RNPEPL1: variants seen among roughly 807,000 people sequenced by gnomAD.
RNPEPL1 encodes the protein aminopeptidase RNPEPL1.
A neutral mutation model predicts 69.0 loss-of-function variants in RNPEPL1; 46 were observed. The ratio of observed to expected loss-of-function variants is 0.67; its 90% CI spans 0.53 to 0.85. RNPEPL1 has a LOEUF of 0.85. RNPEPL1 is among the 40% of genes least tolerant of loss of function. The pLI, the probability that RNPEPL1 is intolerant of heterozygous loss-of-function variation, is 0.00. For synonymous variants in RNPEPL1, 525 were observed against 454.1 expected (o/e 1.16, Z -1.98); for missense variants, 869 against 992.5 (o/e 0.88, Z 1.67).
In RNPEPL1 at chr2:240,573,188, A is replaced by G. The variant is rs1025334641; in HGVS notation, c.748A>G (p.Met250Val). The change falls in exon 3 of 11, where the codon ATG (methionine) becomes GTG (valine). Residue 250 changes from methionine to valine, a missense_variant. Met to Val is a conservative substitution (Grantham distance 21, BLOSUM62 1). Around this residue, in one of 2 missense-constraint regions of RNPEPL1, gnomAD observed 610 missense variants for 790.9 expected, o/e 0.77. Coordinates refer to ENST00000270357, the MANE Select transcript of RNPEPL1 (RefSeq NM_018226.6). ...MEEEGVFHFH[M>V]EHPVPAYLVA... Reference sequence around the variant, plus strand: ...GGAAGAAGGCGTCTTCCACTTCCACATGGAGCACCCCGTGCCCGCCTACCT... The same window carrying G: ...GGAAGAAGGCGTCTTCCACTTCCACGTGGAGCACCCCGTGCCCGCCTACCT... The G allele has an allele frequency of 1.2e-6, 2 of 1,600,772 alleles. No individual in the cohort carries two copies. The highest frequency in any genetic ancestry group is 1.7e-6 in the Non-Finnish European group (2 of 1,174,700).
At chr2:240,575,355 C>T in intron 7 of RNPEPL1, 147 bp from the exon 8 acceptor site, 1 of 795,918 alleles carries the variant, frequency 1.3e-6, no homozygotes, top group Non-Finnish European at 2.1e-6. Context: ...GGCCTGCGTG[C>T]CAAGTGCTGG....
intron 1 of RNPEPL1, chr2:240,569,321 C>A (rs764967028): frequency 5.6e-6 from 3 of 540,304 alleles, no homozygotes; most frequent in Non-Finnish European, 6.1e-6. Context: ...GACAGCATGT[C>A]ACTCCGGGAA....
At position 240,575,868 on chromosome 2, in the gene RNPEPL1, A is replaced by G; in HGVS notation, c.1510+258A>G. The G allele has an allele frequency of 5.7e-6, 3 of 523,182 alleles. No homozygotes were observed. The South Asian group carries it at 6.5e-5, about 11-fold the overall frequency. 32.4% of individuals were successfully genotyped at this position (523,182 alleles called of 1,614,324 possible). The stretch of plus-strand genomic sequence containing the variant: ...CACTCCCAGGAAGCGGGCCATGGAA[A>G]CCAGGTGTGCAAAGGGCCTGGTGCA... On this transcript the variant is annotated intron_variant, in intron 8 of 10. Transcript: ENST00000270357.
chr2:240,569,249 C>T, intron 1 of RNPEPL1, 135 bp downstream of exon 1: 2 of 1,025,030 alleles, frequency 2.0e-6, no homozygotes, highest in South Asian at 2.0e-5. Context: ...CGGTGATTCC[C>T]AGCTGTTGCC....
intron 1 of RNPEPL1, among the ~76,000 whole-genome samples, chr2:240,569,823 G>A (rs2093016067): frequency 2.0e-5 from 3 of 152,370 alleles, no homozygotes; most frequent in East Asian, 3.9e-4. Flanking sequence ...ACATATGCAA[G>A]ACACACACAG....
At chr2:240,571,874 G>C (rs2093022620) in intron 1 of RNPEPL1, among the ~76,000 whole-genome samples, 1 of 151,942 alleles carries the variant, frequency 6.6e-6, no homozygotes, top group Non-Finnish European at 1.5e-5. Flanking sequence ...CCCTGGCTTG[G>C]AGCCTGTCTC....
chr2:240,575,435 G>A, intron 7 of RNPEPL1, 67 bp from the exon 8 acceptor site: 1 of 1,368,306 alleles, frequency 7.3e-7, no homozygotes, highest in South Asian at 1.2e-5. Flanking sequence ...GTGCCCTGCA[G>A]GCCTCTGGTG....
intron 10 of RNPEPL1, 47 bp from the exon 11 acceptor site, chr2:240,577,552 G>A (rs752707616): frequency 8.0e-6 from 12 of 1,504,764 alleles, no homozygotes; most frequent in African/African-American, 1.4e-5. Context: ...GGGCTGGCTC[G>A]AGGGGCCTGG....
At chr2:240,570,368 G>A (rs867164138) in intron 1 of RNPEPL1, among the ~76,000 whole-genome samples, 2 of 152,226 alleles carry the variant, frequency 1.3e-5, no homozygotes, top group Admixed American at 1.3e-4. Flanking sequence ...AGTCTGCGTG[G>A]TGTCAGGGTT....
At chr2:240,573,353 T>C (rs2093027965) in intron 3 of RNPEPL1, 92 bp downstream of exon 3, 2 of 1,396,310 alleles carry the variant, frequency 1.4e-6, no homozygotes, top group South Asian at 2.9e-5. Flanking sequence ...GCTGCCCTGC[T>C]GAGGACCCCC....
chr2:240,576,786 G>A, intron 9 of RNPEPL1, 21 bp downstream of exon 9: 3 of 1,612,530 alleles, frequency 1.9e-6, no homozygotes, highest in African/African-American at 2.7e-5. Context: ...GCAGCTGATG[G>A]GGGCGGCCCA....
Position 240,577,973 on chromosome 2 carries a change from C to G in RNPEPL1, c.*81C>G. On this transcript the variant is annotated 3_prime_UTR_variant, in exon 11 of 11. Coordinates refer to ENST00000270357, the MANE Select transcript of RNPEPL1 (RefSeq NM_018226.6). ...GGCCAGGCCTGCCATGACTGCGTCT[C>G]GGCTCTGGCCATGAGCTCTGCCCAG... 1 of 1,345,326 alleles carries G rather than the reference C, an allele frequency of 7.4e-7. No homozygotes were observed. The highest frequency in any genetic ancestry group is 9.8e-7 in the Non-Finnish European group (1 of 1,020,800). The allele number at this position is 1,345,326 out of a possible 1,614,324, so 83.3% of individuals were successfully genotyped here. A position where few individuals can be genotyped will look rare whatever the true frequency, so the allele number is the denominator to read the frequency against.
In RNPEPL1 at chr2:240,573,200, G is replaced by A; in HGVS notation, c.760G>A (p.Val254Met). ...GVFHFHMEHP[V>M]PAYLVALVAG... is the part of the protein sequence containing the mutation. ...CTTCCACTTCCACATGGAGCACCCC[G>A]TGCCCGCCTACCTCGTGGCCCTGGT... The change falls in exon 3 of 11, where the codon GTG becomes ATG. Residue 254 changes from valine to methionine, a missense_variant. Physicochemically the swap from Val to Met is conservative, Grantham distance 21. Around this residue, in one of 2 missense-constraint regions of RNPEPL1, gnomAD observed 610 missense variants for 790.9 expected, o/e 0.77. Coordinates refer to ENST00000270357, the MANE Select transcript of RNPEPL1 (RefSeq NM_018226.6). The A allele has an allele frequency of 3.1e-6, 5 of 1,590,600 alleles. No individual in the cohort carries two copies. The highest frequency in any genetic ancestry group is 4.3e-6 in the Non-Finnish European group (5 of 1,169,278).
intron 2 of RNPEPL1, 64 bp downstream of exon 2, chr2:240,572,627 C>G (rs1056251947): frequency 4.6e-6 from 7 of 1,520,012 alleles, no homozygotes; most frequent in Admixed American, 2.0e-5. Context: ...GCCACGCCGC[C>G]TCCCCCTTGC....
rs746851199 is a variant in RNPEPL1, at chr2:240,574,672, C to G, written c.1288+44C>G. ...CCGCTCCCACAACTGGGGATGTCAC[C>G]CCTCAAGGCCTCCTTGCCTGCCCTT... On this transcript the variant is annotated intron_variant, in intron 6 of 10. Transcript: ENST00000270357. 4.9e-5 allele frequency: 72 copies of G among 1,463,956 alleles called. 1 individual carries two copies. The East Asian group carries it at 1.6e-3, about 33-fold the overall frequency. The allele number at this position is 1,463,956 out of a possible 1,614,324, so 90.7% of individuals were successfully genotyped here.
At chr2:240,575,929 G>A in intron 8 of RNPEPL1, 1 of 403,790 alleles carries the variant, frequency 2.5e-6, no homozygotes. Context: ...TGGAGCTGGA[G>A]AACAGCAGCC....
chr2:240,575,892 C>G, intron 8 of RNPEPL1: 1 of 479,070 alleles, frequency 2.1e-6, no homozygotes, highest in Non-Finnish European at 3.8e-6. Context: ...GGGCCTGGTG[C>G]AGGAAGGGCG....
chr2:240,574,576 G>C lies in RNPEPL1; in HGVS notation c.1236G>C (p.Lys412Asn). 6.2e-7 allele frequency: 1 copy of C among 1,612,974 alleles called. No individual in the cohort carries two copies. Among genetic ancestry groups the C allele is most frequent in the Non-Finnish European group, 8.5e-7 (1 of 1,179,964 alleles). The change falls in exon 6 of 11, where the codon AAG becomes AAC. Residue 412 changes from lysine to asparagine, a missense_variant. By Grantham distance (94) the Lys-to-Asn change is moderately conservative. Coordinates refer to ENST00000270357, the MANE Select transcript of RNPEPL1 (RefSeq NM_018226.6). ...FRLDALHRQM[K>N]LLGEDSPVSK... ...TGGACGCCCTGCACCGGCAGATGAA[G>C]CTTCTGGGAGAGGACAGCCCGGTCA...
chr2:240,577,132 G>A (rs1281564985), intron 10 of RNPEPL1, 142 bp downstream of exon 10: 1 of 1,043,180 alleles, frequency 9.6e-7, no homozygotes, highest in African/African-American at 1.6e-5. Flanking sequence ...GGGGTCTGTT[G>A]GGAGTGGGGG....
Sources: gnomAD v4.1 joint callset for allele counts (sites outside exome capture counted in the v4.1 genomes callset) on GRCh38, gnomAD v4.1.1 for gene constraint, gnomAD v4.1.1 regional missense constraint, MANE v1.5 for transcripts, NCBI Gene and HGNC (gene_info 2026-07-23, HGNC 2026-07-21) for gene names.